The following TBL1X variants were observed in gnomAD, a reference collection of about 807,000 sequenced individuals.
TBL1X encodes the protein F-box-like/WD repeat-containing protein TBL1X.
In TBL1X, 10 loss-of-function variants were observed where a neutral mutation model predicts 50.7. That is an observed-to-expected ratio of 0.20 (90% CI 0.12 to 0.33). The LOEUF is 0.33. Among genes scored for constraint, TBL1X ranks in the 10% least tolerant of loss-of-function variants. The pLI is 1.00. For synonymous variants in TBL1X, 190 were observed against 214.7 expected, an observed-to-expected ratio of 0.88 and a Z score of 1.01; for missense variants, 340 against 504.4, an observed-to-expected ratio of 0.67 and a Z score of 3.12.
intron 5 of TBL1X, among the ~76,000 whole-genome samples, chrX:9,674,067 A>AAAT (rs1285160940): frequency 1.8e-5 from 2 of 112,303 alleles, no homozygotes; most frequent in Non-Finnish European, 3.8e-5. Context: ...TCTTTCTCAG[A>AAAT]AATAATAATA....
chrX:9,544,185 C>T (rs1391450958), intron 2 of TBL1X, among the ~76,000 whole-genome samples: 2 of 112,237 alleles, frequency 1.8e-5, no homozygotes, highest in Non-Finnish European at 3.8e-5. Flanking sequence ...TGTGTTTGCT[C>T]AAGTCAAGAT....
chrX:9,659,112 C>T (rs1437124096), intron 5 of TBL1X, among the ~76,000 whole-genome samples: 2 of 112,159 alleles, frequency 1.8e-5, no homozygotes, highest in Non-Finnish European at 3.8e-5. Flanking sequence ...GCATGAGCCA[C>T]TGCGTTACCT....
chrX:9,716,241 A>G lies in TBL1X; in HGVS notation c.1729A>G (p.Lys577Glu). 8.3e-7 allele frequency: 1 copy of G among 1,209,692 alleles called. No individual in the cohort carries two copies. Among genetic ancestry groups the G allele is most frequent in the Non-Finnish European group, 1.1e-6 (1 of 893,989 alleles). Residue 577 changes from lysine to glutamate, a missense_variant, in exon 18 of 18, where the codon AAG becomes GAG. Transcript: ENST00000645353. ...CCAGGTGTGTGTTTTGGATCTGCGG[A>G]AGTAACCACAAAATATTATCGAAAA... ...DGSVCVLDLR[K>E]
At chrX:9,607,233 G>A (rs757898584) in intron 2 of TBL1X, among the ~76,000 whole-genome samples, 3 of 112,975 alleles carry the variant, frequency 2.7e-5, no homozygotes, top group African/African-American at 9.6e-5. Flanking sequence ...GGCCTGTGAG[G>A]TTTGAACAAA....
In TBL1X at chrX:9,556,209, AC is replaced by A. The variant is rs200755665; in HGVS notation, c.-131+54361del. On this transcript the variant is annotated intron_variant, in intron 2 of 17. Transcript: ENST00000645353. ...CTAAACAAAAAAAAAACAAAACAAA[AC>A]AAAAAAAACAGTACAAAGTGTTCAG... Among the ~76,000 whole-genome samples, 633 of 101,806 alleles carry A rather than the reference AC, an allele frequency of 6.2e-3. 7 individuals are homozygous for A. Among genetic ancestry groups the A allele is most frequent in the African/African-American group, 0.021 (595 of 27,970 alleles). The allele number at this position is 101,806 out of a possible 115,157, so 88.4% of individuals were successfully genotyped here.
At chrX:9,658,342 C>T (rs1471351199) in intron 5 of TBL1X, among the ~76,000 whole-genome samples, 1 of 110,974 alleles carries the variant, frequency 9.0e-6, no homozygotes, top group East Asian at 2.8e-4. Flanking sequence ...ACATGGTGGC[C>T]ATGTGCCTTT....
chrX:9,506,473 G>A (rs1420029695), intron 2 of TBL1X, among the ~76,000 whole-genome samples: 1 of 111,466 alleles, frequency 9.0e-6, no homozygotes, highest in Admixed American at 9.6e-5. Flanking sequence ...AGGCGATAGA[G>A]ACGCAAAAAA....
At chrX:9,676,576 T>C (rs1366040328) in intron 5 of TBL1X, among the ~76,000 whole-genome samples, 1 of 112,183 alleles carries the variant, frequency 8.9e-6, no homozygotes. Flanking sequence ...ATCCTTCTGG[T>C]ATTTCTTTTG....
At chrX:9,652,594 C>T (rs764019815) in intron 3 of TBL1X, among the ~76,000 whole-genome samples, 57 of 112,452 alleles carry the variant, frequency 5.1e-4, no homozygotes, top group Non-Finnish European at 9.2e-4. Context: ...TGGCGGCTCA[C>T]GCCTGAAATC....
intron 2 of TBL1X, among the ~76,000 whole-genome samples, chrX:9,544,648 C>T (rs1005482725): frequency 9.9e-5 from 11 of 111,654 alleles, no homozygotes; most frequent in Admixed American, 3.8e-4. Flanking sequence ...CTGCAACCTA[C>T]GCCTCCCGAG....
chrX:9,475,945 C>T (rs2081846966), intron 1 of TBL1X, among the ~76,000 whole-genome samples: 1 of 112,285 alleles, frequency 8.9e-6, no homozygotes, highest in Admixed American at 9.5e-5. Context: ...AGAAAGCCTG[C>T]CAGGAGCAGT....
intron 2 of TBL1X, among the ~76,000 whole-genome samples, chrX:9,592,392 A>G (rs2082504866): frequency 8.9e-6 from 1 of 111,979 alleles, no homozygotes. Context: ...CCCTTGGGTC[A>G]TTATTTCTAT....
At chrX:9,647,211 A>G (rs1451495168) in intron 3 of TBL1X, among the ~76,000 whole-genome samples, 1 of 111,643 alleles carries the variant, frequency 9.0e-6, no homozygotes, top group Non-Finnish European at 1.9e-5. Flanking sequence ...CTTAAAAAAA[A>G]ATACTATAAA....
chrX:9,491,330 A>ATTTTTT, intron 1 of TBL1X, among the ~76,000 whole-genome samples: 2 of 22,733 alleles, frequency 8.8e-5, no homozygotes, highest in African/African-American at 3.5e-4. Context: ...ATATATATAT[A>ATTTTTT]TATATATATT....
chrX:9,596,001 A>G (rs1303337341), intron 2 of TBL1X, among the ~76,000 whole-genome samples: 1 of 112,569 alleles, frequency 8.9e-6, no homozygotes, highest in Non-Finnish European at 1.9e-5. Context: ...AATCAAATAC[A>G]CAGAAATTTT....
chrX:9,707,076 C>G (rs764895469), intron 13 of TBL1X, among the ~76,000 whole-genome samples: 3 of 111,851 alleles, frequency 2.7e-5, no homozygotes, highest in Non-Finnish European at 5.7e-5. Flanking sequence ...TCTTGCCTTT[C>G]TCTCACCAGC....
chrX:9,672,074 C>T lies in TBL1X; in HGVS notation c.212-11969C>T, dbSNP rs905404335. 4.2e-4 allele frequency among the ~76,000 whole-genome samples: 47 copies of T among 112,533 alleles called. 1 individual carries two copies. The highest frequency in any genetic ancestry group is 1.5e-3 in the African/African-American group (46 of 31,013). On this transcript the variant is annotated intron_variant, in intron 5 of 17. Coordinates refer to ENST00000645353, the MANE Select transcript of TBL1X (RefSeq NM_005647.4). The stretch of plus-strand genomic sequence containing the variant: ...AAATCAGTTGAGTATTTATAAATTA[C>T]AGTTGTTTAAGTATACATCTTGTTC...
intron 6 of TBL1X, among the ~76,000 whole-genome samples, chrX:9,687,505 A>G (rs1031162550): frequency 2.7e-5 from 3 of 110,918 alleles, no homozygotes; most frequent in Non-Finnish European, 5.7e-5. Context: ...AGCACTCAGT[A>G]TTTGGGGCTG....
intron 2 of TBL1X, among the ~76,000 whole-genome samples, chrX:9,542,577 C>G (rs1042501582): frequency 2.7e-5 from 3 of 111,753 alleles, no homozygotes; most frequent in Non-Finnish European, 5.6e-5. Context: ...CTTGGCCCCG[C>G]CTCGCACTTT....
Sources: gnomAD v4.1 joint callset for allele counts (sites outside exome capture counted in the v4.1 genomes callset) on GRCh38, gnomAD v4.1.1 for gene constraint, MANE v1.5 for transcripts, NCBI Gene and HGNC (gene_info 2026-07-23, HGNC 2026-07-21) for gene names.